Variants in VPS9D1 observed in about 807,000 individuals in gnomAD.
VPS9D1 encodes the protein VPS9 domain containing 1.
A neutral mutation model predicts 75.8 loss-of-function variants in VPS9D1; 78 were observed. The ratio of observed to expected loss-of-function variants is 1.03; its 90% confidence interval spans 0.86 to 1.24. The LOEUF is 1.24. Ranked by LOEUF, VPS9D1 falls within the 50% of genes most tolerant of loss-of-function variation. The probability of loss-of-function intolerance (pLI) is 0.00; values close to 1 mark genes in which losing one functional copy is unlikely to be tolerated. For synonymous variants in VPS9D1, 481 were observed against 385.6 expected, an observed-to-expected ratio of 1.25 and a Z score of -2.90; for missense variants, 1,057 against 847.7, an observed-to-expected ratio of 1.25 and a Z score of -3.07.
chr16:89,708,926 G>T lies in VPS9D1; in HGVS notation c.1628C>A (p.Ala543Glu). ...VRTLRIICVCAEDYCPTPEAT... is the reference protein window; with the variant it reads ...VRTLRIICVCEEDYCPTPEAT... ...CTCTGGGGTGGGGCAGTAGTCTTCC[G>T]CACAGACACAGATGATCCGCAGGGT... is the stretch of plus-strand genomic sequence containing the variant. The change falls in exon 13 of 15, where the codon GCG becomes GAG. Residue 543 changes from alanine to glutamate, a missense_variant. Physicochemically the swap from Ala to Glu is moderately radical, Grantham distance 107 (BLOSUM62 -1). Coordinates refer to ENST00000389386, the MANE Select transcript of VPS9D1 (RefSeq NM_004913.3). The T allele has an allele frequency of 6.2e-7, 1 of 1,604,064 alleles. No homozygotes were observed. Among genetic ancestry groups the T allele is most frequent in the Non-Finnish European group, 8.5e-7 (1 of 1,176,844 alleles).
Position 89,713,005 on chromosome 16 carries a change from T to A in VPS9D1, c.432-289A>T, listed in dbSNP as rs2060973995. The A allele has an allele frequency of 1.7e-5, 4 of 231,998 alleles. No individual in the cohort carries two copies. In the South Asian group the frequency reaches 2.5e-4, roughly 15 times the overall value. 14.4% of individuals were successfully genotyped at this position (231,998 alleles called of 1,614,324 possible). ...TTCGAGACCAGCCTGGCCAACATGG[T>A]GAAACTCTGTCTCTACTAAAAATAC... On this transcript the variant is annotated intron_variant, in intron 4 of 14. Transcript: ENST00000389386.
chr16:89,719,206 T>G, intron 1 of VPS9D1, 104 bp from the exon 2 acceptor site: 1 of 1,046,660 alleles, frequency 9.6e-7, no homozygotes, highest in Non-Finnish European at 1.5e-6. Flanking sequence ...CACCACCACC[T>G]GCTTATCTCT....
chr16:89,712,624 G>C lies in VPS9D1; in HGVS notation c.524C>G (p.Ala175Gly). The change falls in exon 5 of 15, where the codon GCC (alanine) becomes GGC (glycine). Residue 175 changes from alanine to glycine, a missense_variant. Physicochemically the swap from Ala to Gly is moderately conservative, Grantham distance 60 (BLOSUM62 0). Transcript: ENST00000389386. ...ARMARLDPSQ[A>G]MQKTSLTLSL... ...ACTCACCAGGGATGTCTTCTGCATG[G>C]CCTGGCTGGGGTCTAGCCGCGCCAT... is the stretch of plus-strand genomic sequence containing the variant. 1 of 1,609,946 alleles carries C rather than the reference G, an allele frequency of 6.2e-7. No individual in the cohort carries two copies. Among genetic ancestry groups the C allele is most frequent in the Non-Finnish European group, 8.5e-7 (1 of 1,178,072 alleles).
intron 14 of VPS9D1, among the ~76,000 whole-genome samples, 194 bp from the exon 15 acceptor site, chr16:89,708,148 G>C (rs1343327916): frequency 6.6e-6 from 1 of 152,216 alleles, no homozygotes; most frequent in South Asian, 2.1e-4. Context: ...GTAGAGCCAG[G>C]GATGGCACTG....
intron 4 of VPS9D1, among the ~76,000 whole-genome samples, chr16:89,716,217 T>G (rs748176124): frequency 1.6e-4 from 25 of 151,814 alleles, no homozygotes; most frequent in Non-Finnish European, 2.8e-4. Context: ...ATACAAAAAA[T>G]TAGCTGGGTG....
At chr16:89,711,680 A>C (rs2060927146) in intron 8 of VPS9D1, 4 of 696,348 alleles carry the variant, frequency 5.7e-6, no homozygotes, top group Non-Finnish European at 9.2e-6. Flanking sequence ...GCGACCCCTG[A>C]CCTCGCCTCC....
rs1012180079 is a variant in VPS9D1 at position 89,708,711 on chromosome 16, G to A, written c.1697+146C>T. On this transcript the variant is annotated intron_variant, in intron 13 of 14. Coordinates refer to ENST00000389386, the MANE Select transcript of VPS9D1 (RefSeq NM_004913.3). ...CTAAAGGGAGCTCCCGTACTGCGGA[G>A]CCAGGGCTGGGCCCACACGGCCCTC... 33 of 1,110,344 alleles carry A rather than the reference G, an allele frequency of 3.0e-5. No individual in the cohort carries two copies. The African/African-American group carries it at 3.5e-4, about 12-fold the overall frequency. 68.8% of individuals were successfully genotyped at this position (1,110,344 alleles called of 1,614,324 possible). A position where few individuals can be genotyped will look rare whatever the true frequency, so the allele number is the denominator to read the frequency against.
At chr16:89,711,805 G>A (rs2060933986) in intron 8 of VPS9D1, 77 bp downstream of exon 8, 2 of 1,487,802 alleles carry the variant, frequency 1.3e-6, no homozygotes, top group Non-Finnish European at 1.8e-6. Flanking sequence ...CCCCCCACGG[G>A]GGCCCACCCA....
chr16:89,717,983 CCAGTGGCT>C (rs1216201106), intron 2 of VPS9D1: 10 of 452,552 alleles, frequency 2.2e-5, no homozygotes, highest in South Asian at 1.3e-4. Context: ...GCTCCCACGT[CCAGTGGCT>C]CCCCCGACCT....
chr16:89,711,638 G>A (rs1402025579), intron 8 of VPS9D1: 4 of 603,278 alleles, frequency 6.6e-6, no homozygotes, highest in African/African-American at 4.3e-5. Flanking sequence ...CCTCCTCGCA[G>A]GGACCCTCCC....
rs2061161253 is a variant in VPS9D1, at chr16:89,718,906, G to A, written c.175+121C>T. ...TTTTTTAGATTTTTAGTAGAGACGGGGTTTCACCATGTTAGCCAGGATGGT... is the reference window on the plus strand; with the variant it reads ...TTTTTTAGATTTTTAGTAGAGACGGAGTTTCACCATGTTAGCCAGGATGGT... On this transcript the variant is annotated intron_variant, in intron 2 of 14. Transcript: ENST00000389386. 3.8e-6 allele frequency: 3 copies of A among 795,836 alleles called. No homozygotes were observed. In the Admixed American group the frequency reaches 6.5e-5, roughly 17 times the overall value. 49.3% of individuals were successfully genotyped at this position (795,836 alleles called of 1,614,324 possible).
chr16:89,710,806 G>A lies in VPS9D1; in HGVS notation c.1038C>T (p.Pro346=). The A allele has an allele frequency of 1.3e-6, 2 of 1,542,600 alleles. No homozygotes were observed. Among genetic ancestry groups the A allele is most frequent in the African/African-American group, 1.4e-5 (1 of 73,080 alleles). ...SPPEPSAAPR[P]QDSPPTPPLQ... Reference sequence around the variant, plus strand: ...GTGGGGGCGTGGGGGGACTGTCCTGGGGCCGCGGGGCTGCGCTGGGCTCGG... The same window carrying A: ...GTGGGGGCGTGGGGGGACTGTCCTGAGGCCGCGGGGCTGCGCTGGGCTCGG... Residue 346 remains proline (P), a synonymous_variant, in exon 10 of 15, where the codon CCC becomes CCT. Coordinates refer to ENST00000389386, the MANE Select transcript of VPS9D1 (RefSeq NM_004913.3).
At chr16:89,711,801 AC>A in intron 8 of VPS9D1, 80 bp downstream of exon 8, 1 of 1,398,364 alleles carries the variant, frequency 7.2e-7, no homozygotes, top group Non-Finnish European at 9.5e-7. Flanking sequence ...TCCGCCCCCC[AC>A]GGGGGCCCAC....
At chr16:89,719,193 G>T in intron 1 of VPS9D1, 91 bp from the exon 2 acceptor site, 3 of 1,166,812 alleles carry the variant, frequency 2.6e-6, no homozygotes, top group Non-Finnish European at 3.9e-6. Flanking sequence ...GATAAGCAAG[G>T]AACACCACCA....
chr16:89,708,614 C>T lies in VPS9D1; in HGVS notation c.1698-83G>A, dbSNP rs373087806. ...CCAGCAGCTGTGGAGCCATCCTGGC[C>T]GTGCTGGCCGCCATCTCTGTGCCCT... On this transcript the variant is annotated intron_variant, in intron 13 of 14. Coordinates refer to ENST00000389386, the MANE Select transcript of VPS9D1 (RefSeq NM_004913.3). The T allele has an allele frequency of 1.9e-4, 274 of 1,413,848 alleles. 3 individuals carry two copies. The South Asian group carries it at 3.0e-3, about 15-fold the overall frequency. The allele number at this position is 1,413,848 out of a possible 1,614,324, so 87.6% of individuals were successfully genotyped here.
intron 2 of VPS9D1, chr16:89,717,344 G>A (rs184913835): frequency 2.8e-6 from 1 of 351,088 alleles, no homozygotes; most frequent in East Asian, 7.6e-5. Context: ...GCAACTGCAG[G>A]CCTCTGGGAA....
chr16:89,711,310 C>A lies in VPS9D1; in HGVS notation c.833+17G>T. 1 of 1,598,756 alleles carries A rather than the reference C, an allele frequency of 6.3e-7. No homozygotes were observed. The highest frequency in any genetic ancestry group is 8.5e-7 in the Non-Finnish European group (1 of 1,172,756). On this transcript the variant is annotated intron_variant, in intron 9 of 14. Transcript: ENST00000389386. ...GCCGGTGCGCAGGGGCTCTGTGGGG[C>A]CTGAAGGCCCAGCTACCTGAGCAGG...
chr16:89,709,025 G>GGGCCCCC, intron 12 of VPS9D1, 69 bp from the exon 13 acceptor site: 2 of 627,190 alleles, frequency 3.2e-6, no homozygotes, highest in Admixed American at 8.7e-5. Flanking sequence ...CTTATACCCC[G>GGGCCCCC]CCCACCCACC....
intron 1 of VPS9D1, among the ~76,000 whole-genome samples, chr16:89,719,788 G>T (rs566712333): frequency 6.6e-6 from 1 of 152,256 alleles, no homozygotes; most frequent in East Asian, 1.9e-4. Context: ...GCAGGATCTC[G>T]AGTCACTGCA....
Sources: allele counts gnomAD v4.1 joint callset (sites outside exome capture counted in the v4.1 genomes callset), GRCh38; gene constraint gnomAD v4.1.1; transcripts MANE v1.5; gene names NCBI Gene and HGNC (gene_info 2026-07-23, HGNC 2026-07-21).